The following RPTOR variants were observed in gnomAD, a reference collection of about 807,000 sequenced individuals.
RPTOR encodes the protein regulatory-associated protein of mTOR.
In RPTOR, 21 loss-of-function variants were observed where a neutral mutation model predicts 169.9. The observed-to-expected ratio is 0.12, with a 90% confidence interval of 0.09 to 0.18. The LOEUF is 0.18. RPTOR is among the 10% of genes least tolerant of loss of function. The probability of loss-of-function intolerance (pLI) is 1.00; values close to 1 mark genes in which losing one functional copy is unlikely to be tolerated. For synonymous variants in RPTOR, 732 were observed against 753.2 expected, an observed-to-expected ratio of 0.97 and a Z score of 0.46; for missense variants, 1,133 against 1,855.9, an observed-to-expected ratio of 0.61 and a Z score of 7.16.
chr17:80,767,113 C>A (rs9908929), intron 6 of RPTOR, among the ~76,000 whole-genome samples: 1 of 152,092 alleles, frequency 6.6e-6, no homozygotes, highest in Admixed American at 6.5e-5. Context: ...GGGCTCATGC[C>A]TATAATCCCA....
At chr17:80,636,185 G>T (rs1199047950) in intron 2 of RPTOR, among the ~76,000 whole-genome samples, 1 of 152,036 alleles carries the variant, frequency 6.6e-6, no homozygotes, top group Non-Finnish European at 1.5e-5. Flanking sequence ...ATGGCAGGGT[G>T]GGGGAATTAA....
intron 3 of RPTOR, among the ~76,000 whole-genome samples, chr17:80,671,942 C>T (rs2065824973): frequency 6.6e-6 from 1 of 152,188 alleles, no homozygotes; most frequent in South Asian, 2.1e-4. Flanking sequence ...GCTGTTGTAG[C>T]ATTAAATGTC....
chr17:80,844,813 A>G lies in RPTOR; in HGVS notation c.1213-1660A>G, dbSNP rs2067708665. On this transcript the variant is annotated intron_variant, in intron 10 of 33. Coordinates refer to ENST00000306801, the MANE Select transcript of RPTOR (RefSeq NM_020761.3). The surrounding 1 kb of genome is among the most constrained non-coding windows in gnomAD (Gnocchi z 4.7). ...TCCACATGTGTCCACATTCACTGGA[A>G]CCCGGGGCACAGCCGACCCCGGCCA... is the stretch of plus-strand genomic sequence containing the variant. Among the ~76,000 whole-genome samples, 1 of 152,110 alleles carries G rather than the reference A, an allele frequency of 6.6e-6. No homozygotes were observed. The highest frequency in any genetic ancestry group is 2.1e-4 in the South Asian group (1 of 4,824).
At chr17:80,756,923 A>C (rs2066686373) in intron 6 of RPTOR, among the ~76,000 whole-genome samples, 1 of 152,236 alleles carries the variant, frequency 6.6e-6, no homozygotes, top group Admixed American at 6.5e-5. Flanking sequence ...ACAGACAAGA[A>C]AAAGTACTAT....
At chr17:80,784,177 C>T (rs2066968557) in intron 6 of RPTOR, among the ~76,000 whole-genome samples, 2 of 151,802 alleles carry the variant, frequency 1.3e-5, no homozygotes, top group African/African-American at 4.8e-5. Flanking sequence ...TGGCCTCACA[C>T]TCGTGTCCTC....
At chr17:80,791,388 C>T in intron 6 of RPTOR, 62 bp from the exon 7 acceptor site, 6 of 1,481,338 alleles carry the variant, frequency 4.1e-6, no homozygotes, top group Non-Finnish European at 5.6e-6. Context: ...TTCTGCAGGC[C>T]TGTTGAATTT....
chr17:80,913,998 C>T (rs549472877), intron 21 of RPTOR, among the ~76,000 whole-genome samples: 31 of 152,360 alleles, frequency 2.0e-4, no homozygotes, highest in African/African-American at 6.7e-4. Flanking sequence ...CTAGAAGCAC[C>T]GCTGCAGCCT....
At chr17:80,690,326 A>AACAC (rs752133550) in intron 3 of RPTOR, among the ~76,000 whole-genome samples, 45 of 124,108 alleles carry the variant, frequency 3.6e-4, no homozygotes, top group Non-Finnish European at 5.5e-4. Context: ...TATGCTTCTA[A>AACAC]ACACACACAC....
At chr17:80,948,846 G>A (rs545535589) in intron 27 of RPTOR, among the ~76,000 whole-genome samples, 2 of 152,252 alleles carry the variant, frequency 1.3e-5, no homozygotes, top group South Asian at 2.1e-4. Context: ...GGATGCAGAG[G>A]GCCGTTTCCT....
chr17:80,744,438 GC>G, intron 5 of RPTOR, among the ~76,000 whole-genome samples: 2 of 99,414 alleles, frequency 2.0e-5, no homozygotes, highest in East Asian at 2.5e-4. Context: ...CACAGCCCTG[GC>G]TACTAGCACT....
intron 28 of RPTOR, among the ~76,000 whole-genome samples, chr17:80,952,339 C>T (rs1486538559): frequency 2.0e-5 from 3 of 152,332 alleles, no homozygotes; most frequent in Non-Finnish European, 4.4e-5. Flanking sequence ...TCGTCAGGTG[C>T]TCACGGAGGG....
chr17:80,858,737 A>G (rs927216220), intron 13 of RPTOR, among the ~76,000 whole-genome samples: 2 of 151,932 alleles, frequency 1.3e-5, no homozygotes. Flanking sequence ...GGGTCCAAAC[A>G]TGGAGGTGGC....
At chr17:80,583,196 T>TTGTTTTTGTTTG (rs71163972) in intron 1 of RPTOR, among the ~76,000 whole-genome samples, 23 of 137,450 alleles carry the variant, frequency 1.7e-4, no homozygotes, top group African/African-American at 6.0e-4. Flanking sequence ...TTTTTTTTTT[T>TTGTTTTTGTTTG]TTTTTTTTTT....
intron 1 of RPTOR, among the ~76,000 whole-genome samples, chr17:80,594,933 G>T (rs2065134167): frequency 6.6e-6 from 1 of 152,118 alleles, no homozygotes; most frequent in African/African-American, 2.4e-5. Context: ...AGAGACAGGA[G>T]GCTCCTTCTA....
intron 6 of RPTOR, among the ~76,000 whole-genome samples, chr17:80,761,345 TA>T (rs949975595): frequency 5.3e-5 from 8 of 152,208 alleles, no homozygotes; most frequent in Admixed American, 2.0e-4. Flanking sequence ...TTGGATTGAA[TA>T]GAGGTCAAAA....
At chr17:80,841,514 A>ACCACACGGCAGCTCACT (rs1460397974) in intron 10 of RPTOR, among the ~76,000 whole-genome samples, 1 of 100,066 alleles carries the variant, frequency 1.0e-5, no homozygotes, top group African/African-American at 4.0e-5. Context: ...GGCAGCTCAC[A>ACCACACGGCAGCTCACT]CCACACGGCA....
Position 80,891,740 on chromosome 17 carries a change from T to C in RPTOR, c.2004T>C (p.Ser668=), listed in dbSNP as rs776021332. 6.2e-7 allele frequency: 1 copy of C among 1,613,644 alleles called. No homozygotes were observed. The highest frequency in any genetic ancestry group is 1.1e-5 in the South Asian group (1 of 91,058). The change falls in exon 18 of 34, where the codon AGT becomes AGC. Residue 668 remains serine, a synonymous_variant. Coordinates refer to ENST00000306801, the MANE Select transcript of RPTOR (RefSeq NM_020761.3). Reference sequence around the variant, plus strand: ...GGCAGGAGCTGGTGGTGGCTCTGAGTCATCTTGTGGTTCAGTATGAAAGCA... The same window carrying C: ...GGCAGGAGCTGGTGGTGGCTCTGAGCCATCTTGTGGTTCAGTATGAAAGCA... ...MVRKELVVAL[S]HLVVQYESNF...
At chr17:80,755,297 T>C (rs1425717871) in intron 6 of RPTOR, among the ~76,000 whole-genome samples, 2 of 152,100 alleles carry the variant, frequency 1.3e-5, no homozygotes, top group African/African-American at 4.8e-5. Flanking sequence ...CACCCCAAAA[T>C]AGTTGGAGAT....
chr17:80,616,915 G>A (rs1392965455), intron 1 of RPTOR, among the ~76,000 whole-genome samples: 1 of 152,090 alleles, frequency 6.6e-6, no homozygotes, highest in Non-Finnish European at 1.5e-5. Context: ...CCTCACACCG[G>A]TCCAGCTTGC....
Sources: gnomAD v4.1 joint callset for allele counts (sites outside exome capture counted in the v4.1 genomes callset) on GRCh38, gnomAD v4.1.1 for gene constraint, Gnocchi (gnomAD v3.1) non-coding constraint, MANE v1.5 for transcripts, NCBI Gene and HGNC (gene_info 2026-07-23, HGNC 2026-07-21) for gene names.